Variants in TCF12 observed in about 807,000 individuals in gnomAD.
TCF12 encodes DNA-binding protein HTF4.
In TCF12, 45 loss-of-function variants were observed where a neutral mutation model predicts 86.0. That is an observed-to-expected ratio of 0.52 (90% confidence interval 0.41 to 0.67). The LOEUF (loss-of-function observed/expected upper bound fraction) is 0.67. TCF12 is among the 30% of genes least tolerant of loss of function. The pLI, the probability that TCF12 is intolerant of heterozygous loss-of-function variation, is 0.00. For missense variants in TCF12, 881 were observed against 859.9 expected (o/e 1.02, Z -0.31); for synonymous variants, 330 against 299.6 (o/e 1.10, Z -1.05).
At chr15:57,130,328 T>C (rs1361072159) in intron 5 of TCF12, among the ~76,000 whole-genome samples, 4 of 151,904 alleles carry the variant, frequency 2.6e-5, no homozygotes, top group Admixed American at 1.3e-4. Flanking sequence ...CACTGACATA[T>C]ATTATTGACC....
intron 3 of TCF12, among the ~76,000 whole-genome samples, chr15:57,061,957 T>C (rs1282066953): frequency 2.7e-5 from 4 of 147,490 alleles, no homozygotes; most frequent in Non-Finnish European, 4.5e-5. Context: ...GGTAACAGTG[T>C]TTTTTTTTTG....
Position 57,273,018 on chromosome 15 carries a change from T to A in TCF12, c.1746-12T>A, listed in dbSNP as rs1049988131. 1.9e-6 allele frequency: 3 copies of A among 1,612,378 alleles called. No homozygotes were observed. In the African/African-American group the frequency reaches 4.0e-5, roughly 22 times the overall value. On this transcript the variant is annotated splice_polypyrimidine_tract_variant and intron_variant, in intron 18 of 20. Transcript: ENST00000333725. ...GAAACCTAATAGACCTTGTTGTTAC[T>A]TTATTTTCTAGCAGTACTAATGAAG...
Position 57,209,379 on chromosome 15 carries a change from A to C in TCF12, c.579+11554A>C, listed in dbSNP as rs531215091. On this transcript the variant is annotated intron_variant, in intron 8 of 20. Coordinates refer to ENST00000333725, the MANE Select transcript of TCF12 (RefSeq NM_207037.2). ...ATTCAGCCATCAGCATTAATTCTAC[A>C]TTGTTTTAGGATGACCTAATTAAAA... Among the ~76,000 whole-genome samples, 372 of 152,322 alleles carry C rather than the reference A, an allele frequency of 2.4e-3. 1 individual carries two copies. Among genetic ancestry groups the C allele is most frequent in the Non-Finnish European group, 1.2e-3 (82 of 68,026 alleles).
At chr15:57,020,551 C>G (rs193078347) in intron 3 of TCF12, among the ~76,000 whole-genome samples, 1 of 152,204 alleles carries the variant, frequency 6.6e-6, no homozygotes, top group Non-Finnish European at 1.5e-5. Context: ...TTAAATTTTC[C>G]AAGTGTTCAA....
At chr15:56,964,950 G>C (rs1409631047) in intron 3 of TCF12, among the ~76,000 whole-genome samples, 3 of 152,150 alleles carry the variant, frequency 2.0e-5, no homozygotes, top group African/African-American at 7.2e-5. Flanking sequence ...TTTGGTCCCA[G>C]AGCCAGTGAT....
intron 12 of TCF12, among the ~76,000 whole-genome samples, chr15:57,241,823 T>C (rs1340598276): frequency 6.6e-6 from 1 of 152,044 alleles, no homozygotes; most frequent in African/African-American, 2.4e-5. Context: ...CGAAATCTTT[T>C]CTCTACTAAA....
chr15:57,028,783 T>C lies in TCF12; in HGVS notation c.149-34967T>C, dbSNP rs116884628. On this transcript the variant is annotated intron_variant, in intron 3 of 20. Transcript: ENST00000333725. ...GTTTTCTTCAGAAGTTTTGTGGTTT[T>C]AGATTTTATATGTAGTCCTTTTTTT... Among the ~76,000 whole-genome samples, 810 of 152,234 alleles carry C rather than the reference T, an allele frequency of 5.3e-3. 23 individuals carry two copies. The East Asian group carries it at 0.068, about 13-fold the overall frequency.
chr15:57,057,887 C>G (rs1436179508), intron 3 of TCF12, among the ~76,000 whole-genome samples: 2 of 152,122 alleles, frequency 1.3e-5, no homozygotes, highest in Non-Finnish European at 2.9e-5. Context: ...TTTCTTAAAA[C>G]TACGTTTGTA....
intron 3 of TCF12, among the ~76,000 whole-genome samples, chr15:57,002,448 T>C (rs1290959424): frequency 1.3e-5 from 2 of 152,216 alleles, no homozygotes; most frequent in Non-Finnish European, 2.9e-5. Context: ...ACAAATATTA[T>C]CCACCTAACA....
chr15:56,937,536 G>T (rs1483620519), intron 3 of TCF12, among the ~76,000 whole-genome samples: 2 of 151,764 alleles, frequency 1.3e-5, no homozygotes, highest in South Asian at 2.1e-4. Flanking sequence ...TGATTTGGGT[G>T]CCCTTTTTCT....
intron 8 of TCF12, among the ~76,000 whole-genome samples, chr15:57,213,755 C>G (rs1319066820): frequency 1.3e-5 from 2 of 152,102 alleles, no homozygotes; most frequent in Non-Finnish European, 2.9e-5. Flanking sequence ...TAATTTGACC[C>G]AAGACATCAT....
chr15:57,084,203 T>G (rs1187501429), intron 4 of TCF12, among the ~76,000 whole-genome samples: 1 of 152,204 alleles, frequency 6.6e-6, no homozygotes, highest in East Asian at 1.9e-4. Context: ...TACTGTTGAT[T>G]TATAGTAGTA....
At chr15:57,060,865 C>T (rs1213433487) in intron 3 of TCF12, among the ~76,000 whole-genome samples, 1 of 152,056 alleles carries the variant, frequency 6.6e-6, no homozygotes, top group East Asian at 1.9e-4. Flanking sequence ...TTTATTATTC[C>T]TGTCATATTT....
At chr15:57,096,061 A>G (rs1306343409) in intron 5 of TCF12, among the ~76,000 whole-genome samples, 2 of 152,136 alleles carry the variant, frequency 1.3e-5, no homozygotes, top group African/African-American at 4.8e-5. Context: ...GGTGTTTAAG[A>G]TACCTGTTGT....
At chr15:56,930,098 A>G (rs1240477730) in intron 3 of TCF12, among the ~76,000 whole-genome samples, 1 of 152,236 alleles carries the variant, frequency 6.6e-6, no homozygotes, top group African/African-American at 2.4e-5. Context: ...TGGACTTAAT[A>G]TAATCATGGC....
At chr15:56,968,434 A>G (rs1314391880) in intron 3 of TCF12, among the ~76,000 whole-genome samples, 1 of 150,002 alleles carries the variant, frequency 6.7e-6, no homozygotes, top group African/African-American at 2.5e-5. Context: ...GTTCACAGGT[A>G]CAGTAATAGC....
At chr15:57,050,395 A>G (rs1196714187) in intron 3 of TCF12, among the ~76,000 whole-genome samples, 2 of 152,162 alleles carry the variant, frequency 1.3e-5, no homozygotes, top group Non-Finnish European at 2.9e-5. Flanking sequence ...AAAGGATGTC[A>G]TTCCTTTATT....
intron 2 of TCF12, 61 bp downstream of exon 2, chr15:56,920,049 T>C (rs553332414): frequency 1.3e-6 from 2 of 1,599,252 alleles, no homozygotes; most frequent in African/African-American, 2.7e-5. Flanking sequence ...TTTGTTTGTT[T>C]GTTTCTTTTA....
At chr15:56,962,542 A>G (rs796941541) in intron 3 of TCF12, among the ~76,000 whole-genome samples, 72 of 152,356 alleles carry the variant, frequency 4.7e-4, no homozygotes, top group African/African-American at 1.5e-3. Context: ...TCCCAGAAAC[A>G]TGAAGAAAAA....
Sources: gnomAD v4.1 joint callset for allele counts (sites outside exome capture counted in the v4.1 genomes callset) on GRCh38, gnomAD v4.1.1 for gene constraint, MANE v1.5 for transcripts, NCBI Gene and HGNC (gene_info 2026-07-23, HGNC 2026-07-21) for gene names.